The following KIF6 variants were observed in gnomAD, a reference collection of about 807,000 sequenced individuals.
The protein encoded by KIF6 is kinesin-like protein KIF6.
In KIF6, 106 loss-of-function variants were observed where a neutral mutation model predicts 112.7. That is an observed-to-expected ratio of 0.94 (90% CI 0.80 to 1.11). The LOEUF (loss-of-function observed/expected upper bound fraction) is 1.11. KIF6 is among the 50% of genes least tolerant of loss of function. The probability of loss-of-function intolerance (pLI) is 0.00; values close to 1 mark genes in which losing one functional copy is unlikely to be tolerated. For missense variants in KIF6, 929 were observed against 964.0 expected (o/e 0.96, Z 0.48); for synonymous variants, 339 against 339.9 (o/e 1.00, Z 0.03).
chr6:39,384,619 A>G (rs908808374), intron 16 of KIF6, among the ~76,000 whole-genome samples: 5 of 152,136 alleles, frequency 3.3e-5, no homozygotes, highest in South Asian at 2.1e-4. Context: ...CTTTCCTAAT[A>G]ATACAAATTA....
chr6:39,656,549 T>C (rs1785795033), intron 3 of KIF6, among the ~76,000 whole-genome samples: 1 of 152,224 alleles, frequency 6.6e-6, no homozygotes, highest in Non-Finnish European at 1.5e-5. Flanking sequence ...GGAATATTTC[T>C]CACATGTCAT....
intron 10 of KIF6, among the ~76,000 whole-genome samples, chr6:39,568,762 G>C (rs1028906436): frequency 1.3e-5 from 2 of 152,014 alleles, no homozygotes; most frequent in African/African-American, 4.8e-5. Flanking sequence ...TGTTGGCCAG[G>C]CTGGTCTTGG....
intron 6 of KIF6, among the ~76,000 whole-genome samples, chr6:39,600,850 ACTTACTAGTGTTAAAAG>A (rs1035870438): frequency 2.6e-5 from 4 of 152,192 alleles, no homozygotes; most frequent in Admixed American, 2.0e-4. Context: ...TGGTTCTGTC[ACTTACTAGTGTTAAAAG>A]CTTACTAGTG....
At chr6:39,651,383 C>T (rs1037029603) in intron 3 of KIF6, among the ~76,000 whole-genome samples, 12 of 152,142 alleles carry the variant, frequency 7.9e-5, no homozygotes, top group Admixed American at 5.2e-4. Context: ...GACTGGAAAG[C>T]GGAAAGTTGA....
intron 15 of KIF6, among the ~76,000 whole-genome samples, chr6:39,415,324 A>G (rs1385044882): frequency 6.8e-6 from 1 of 147,240 alleles, no homozygotes; most frequent in East Asian, 2.1e-4. Context: ...AAAAAAAAAA[A>G]AGGCCAAATG....
intron 5 of KIF6, among the ~76,000 whole-genome samples, chr6:39,623,466 G>C (rs952745120): frequency 6.6e-6 from 1 of 152,070 alleles, no homozygotes; most frequent in Non-Finnish European, 1.5e-5. Context: ...ACAGAAAAAT[G>C]TACTATCTTG....
At chr6:39,662,287 T>C (rs563004201) in intron 3 of KIF6, among the ~76,000 whole-genome samples, 1 of 152,356 alleles carries the variant, frequency 6.6e-6, no homozygotes, top group East Asian at 1.9e-4. Context: ...AGTTGCTATG[T>C]GCTTAAAATG....
At chr6:39,361,986 C>T (rs1159594451) in intron 17 of KIF6, among the ~76,000 whole-genome samples, 1 of 152,132 alleles carries the variant, frequency 6.6e-6, no homozygotes, top group East Asian at 1.9e-4. Context: ...GAGCAAGATT[C>T]GGTGACCATG....
At chr6:39,631,317 C>G (rs116279904) in intron 5 of KIF6, among the ~76,000 whole-genome samples, 1,750 of 151,726 alleles carry the variant, frequency 0.012, 19 homozygotes, top group Non-Finnish European at 0.02. Flanking sequence ...TATTTCCATA[C>G]TATATTGAAG....
At chr6:39,488,263 C>T (rs1775253632) in intron 13 of KIF6, among the ~76,000 whole-genome samples, 1 of 152,194 alleles carries the variant, frequency 6.6e-6, no homozygotes, top group East Asian at 1.9e-4. Context: ...ATTCAGTTTA[C>T]TTGGCAGGCA....
chr6:39,347,509 A>T (rs548173956), intron 19 of KIF6, among the ~76,000 whole-genome samples: 1 of 152,242 alleles, frequency 6.6e-6, no homozygotes, highest in Non-Finnish European at 1.5e-5. Flanking sequence ...AGGCCAGTGT[A>T]TTCCACATGC....
chr6:39,537,346 G>C (rs1582081167), intron 13 of KIF6, among the ~76,000 whole-genome samples: 3 of 152,062 alleles, frequency 2.0e-5, no homozygotes, highest in African/African-American at 7.2e-5. Context: ...TCTCCTTAAG[G>C]TGATAAGCAA....
intron 5 of KIF6, among the ~76,000 whole-genome samples, chr6:39,619,893 G>A (rs1286303218): frequency 6.6e-6 from 1 of 151,990 alleles, no homozygotes; most frequent in Non-Finnish European, 1.5e-5. Context: ...GTTTTAGATT[G>A]CTAATAACTT....
At chr6:39,611,540 G>A (rs1408405959) in intron 6 of KIF6, among the ~76,000 whole-genome samples, 1 of 152,174 alleles carries the variant, frequency 6.6e-6, no homozygotes, top group African/African-American at 2.4e-5. Flanking sequence ...GAAGGTGAGG[G>A]AAAGTAATTG....
At chr6:39,577,966 T>C in intron 10 of KIF6, 90 bp downstream of exon 10, 1 of 847,162 alleles carries the variant, frequency 1.2e-6, no homozygotes, top group African/African-American at 1.7e-5. Flanking sequence ...CCTTCATGCT[T>C]TGAGGTGAAT....
At chr6:39,632,096 T>C (rs890040462) in intron 5 of KIF6, among the ~76,000 whole-genome samples, 4 of 152,114 alleles carry the variant, frequency 2.6e-5, no homozygotes, top group African/African-American at 9.7e-5. Flanking sequence ...TTTAGTGCCC[T>C]GACATAATAT....
intron 15 of KIF6, among the ~76,000 whole-genome samples, chr6:39,405,153 A>G (rs1437417279): frequency 8.5e-5 from 13 of 152,130 alleles, no homozygotes; most frequent in Admixed American, 8.5e-4. Context: ...CAAATACATC[A>G]TGTGTGAACA....
chr6:39,461,576 A>G (rs1489794975), intron 13 of KIF6, among the ~76,000 whole-genome samples: 1 of 152,212 alleles, frequency 6.6e-6, no homozygotes. Flanking sequence ...TATCAAAAAT[A>G]TAATTTCAAC....
At chr6:39,662,054 A>G (rs544629591) in intron 3 of KIF6, among the ~76,000 whole-genome samples, 79 of 152,352 alleles carry the variant, frequency 5.2e-4, no homozygotes, top group Non-Finnish European at 1.1e-3. Flanking sequence ...AACATTATAG[A>G]ATATATTTAA....
Sources: gnomAD v4.1 joint callset for allele counts (sites outside exome capture counted in the v4.1 genomes callset) on GRCh38, gnomAD v4.1.1 for gene constraint, MANE v1.5 for transcripts, NCBI Gene and HGNC (gene_info 2026-07-23, HGNC 2026-07-21) for gene names.